CD164L2: variants seen among roughly 807,000 people sequenced by gnomAD.
CD164L2 encodes CD164 molecule like 2.
A neutral mutation model predicts 23.9 loss-of-function variants in CD164L2; 21 were observed. The ratio of observed to expected loss-of-function variants is 0.88; its 90% CI spans 0.62 to 1.27. The LOEUF (loss-of-function observed/expected upper bound fraction) is 1.27, where lower values mean the gene tolerates loss of function less well. CD164L2 is among the 50% of genes most tolerant of loss of function. The pLI is 0.00. For synonymous variants in CD164L2, 92 were observed against 90.2 expected (o/e 1.02, Z -0.11); for missense variants, 230 against 224.8 (o/e 1.02, Z -0.15).
rs1325075970 is a variant in CD164L2, at chr1:27,383,252, T to TG, written c.-14dup. 3.9e-6 allele frequency: 6 copies of TG among 1,520,204 alleles called. No individual in the cohort carries two copies. The highest frequency in any genetic ancestry group is 1.4e-5 in the African/African-American group (1 of 71,966). 94.2% of individuals were successfully genotyped at this position (1,520,204 alleles called of 1,614,324 possible). On this transcript the variant is annotated 5_prime_UTR_variant, in exon 1 of 6. Coordinates refer to ENST00000374030, the MANE Select transcript of CD164L2 (RefSeq NM_001330448.1). ...CCGGAGCCTCCATGGGCTCGCGGGG[T>TG]GGGGGTGGCCGGGGGCGGTGGCCGG...
At chr1:27,380,322 C>G in intron 4 of CD164L2, 127 bp from the exon 5 acceptor site, 1 of 838,652 alleles carries the variant, frequency 1.2e-6, no homozygotes, top group South Asian at 1.7e-5. Context: ...AAACCCTGGG[C>G]TCCGTTTAGT....
chr1:27,382,033 C>T (rs932451450), intron 3 of CD164L2: 12 of 1,456,230 alleles, frequency 8.2e-6, no homozygotes, highest in African/African-American at 1.4e-5. Context: ...ACTGATGCCA[C>T]CTCCTCCAGG....
intron 5 of CD164L2, chr1:27,379,770 G>T: frequency 7.0e-7 from 1 of 1,435,962 alleles, no homozygotes; most frequent in Non-Finnish European, 9.1e-7. Flanking sequence ...GGCACCTACT[G>T]GTTCTCTTCC....
intron 5 of CD164L2, 126 bp downstream of exon 5, chr1:27,379,925 A>G: frequency 6.6e-7 from 1 of 1,524,404 alleles, no homozygotes; most frequent in Non-Finnish European, 8.8e-7. Flanking sequence ...CACATGGAGC[A>G]CGCTGTCACC....
At chr1:27,379,569 C>CCTGCCT (rs1208099710) in intron 5 of CD164L2, 60 bp from the exon 6 acceptor site, 16 of 1,550,604 alleles carry the variant, frequency 1.0e-5, no homozygotes, top group Non-Finnish European at 1.4e-5. Context: ...CCAAGGACCC[C>CCTGCCT]CTGCCTCGAG....
rs896634626 is a variant in CD164L2, at chr1:27,383,280, T to G, written c.-41A>C. ...GGGTGGCCGGGGGCGGTGGCCGGGATCGGTGGACAGCTGCCGGGCGCGTCC... is the reference window on the plus strand; with the variant it reads ...GGGTGGCCGGGGGCGGTGGCCGGGAGCGGTGGACAGCTGCCGGGCGCGTCC... On this transcript the variant is annotated 5_prime_UTR_variant, in exon 1 of 6. Coordinates refer to ENST00000374030, the MANE Select transcript of CD164L2 (RefSeq NM_001330448.1). 12 of 1,302,202 alleles carry G rather than the reference T, an allele frequency of 9.2e-6. No individual in the cohort carries two copies. The Admixed American group carries it at 2.2e-4, about 24-fold the overall frequency. The allele number at this position is 1,302,202 out of a possible 1,614,324, so 80.7% of individuals were successfully genotyped here.
chr1:27,379,248 C>T lies in CD164L2; in HGVS notation c.*255G>A. On this transcript the variant is annotated 3_prime_UTR_variant, in exon 6 of 6. Transcript: ENST00000374030. ...TGGAAAGAGGCAGGCATACAACCCA[C>T]TGTCAGGCTGGGGGGCCCAGCAGGG... 1 of 584,334 alleles carries T rather than the reference C, an allele frequency of 1.7e-6. No individual in the cohort carries two copies. The highest frequency in any genetic ancestry group is 3.1e-6 in the Non-Finnish European group (1 of 325,692). The allele number at this position is 584,334 out of a possible 1,614,324, so 36.2% of individuals were successfully genotyped here.
At chr1:27,379,640 ACACACGG>A in intron 5 of CD164L2, 131 bp from the exon 6 acceptor site, 1 of 1,532,166 alleles carries the variant, frequency 6.5e-7, no homozygotes, top group Non-Finnish European at 8.8e-7. Flanking sequence ...GCCCCACAGC[ACACACGG>A]CACACAGAGG....
At chr1:27,379,709 C>T in intron 5 of CD164L2, 200 bp from the exon 6 acceptor site, 1 of 1,460,078 alleles carries the variant, frequency 6.8e-7, no homozygotes. Context: ...GACACAAGGC[C>T]CAGCTCCTGC....
At chr1:27,382,935 G>C (rs1437632844) in intron 1 of CD164L2, among the ~76,000 whole-genome samples, 1 of 151,928 alleles carries the variant, frequency 6.6e-6, no homozygotes, top group South Asian at 2.1e-4. Flanking sequence ...ACCTCCCCCA[G>C]ACCACCTGAA....
chr1:27,381,891 C>T, intron 3 of CD164L2, 67 bp from the exon 4 acceptor site: 2 of 1,591,062 alleles, frequency 1.3e-6, no homozygotes, highest in Non-Finnish European at 1.7e-6. Flanking sequence ...AGACCCCAGC[C>T]CCCACTCACC....
At position 27,382,371 on chromosome 1, in the gene CD164L2, G is replaced by A. The variant is rs115765119; in HGVS notation, c.285C>T (p.Val95=). Residue 95 remains valine (V), a synonymous_variant, in exon 3 of 6, where the codon GTC becomes GTT. Transcript: ENST00000374030. ...GGTTGTAGATGGAGCAACCTTCCTT[G>A]ACCACCTCAGATTGGGCCACACAGT... ...PGHCVAQSEV[V]KEGCSIYNRS... 56 of 1,612,830 alleles carry A rather than the reference G, an allele frequency of 3.5e-5. No homozygotes were observed. The African/African-American group carries it at 6.0e-4, about 17-fold the overall frequency.
chr1:27,380,620 A>C (rs148396939), intron 4 of CD164L2, among the ~76,000 whole-genome samples: 2 of 152,326 alleles, frequency 1.3e-5, no homozygotes, highest in Non-Finnish European at 2.9e-5. Context: ...TTCAGAGCCA[A>C]GATGCAGACG....
Position 27,382,262 on chromosome 1 carries a change from T to A in CD164L2, c.328+66A>T. 1.9e-6 allele frequency: 3 copies of A among 1,614,062 alleles called. No homozygotes were observed. In the Admixed American group the frequency reaches 5.0e-5, roughly 27 times the overall value. On this transcript the variant is annotated intron_variant, in intron 3 of 5. Coordinates refer to ENST00000374030, the MANE Select transcript of CD164L2 (RefSeq NM_001330448.1). ...CCACCGCCTGAGAGAGGCTGTTTCCTCCTGGGGGGCAGGCTATGGCTGGGG... is the reference window on the plus strand; with the variant it reads ...CCACCGCCTGAGAGAGGCTGTTTCCACCTGGGGGGCAGGCTATGGCTGGGG...
At chr1:27,379,757 G>A (rs974097777) in intron 5 of CD164L2, 1 of 1,439,588 alleles carries the variant, frequency 6.9e-7, no homozygotes, top group South Asian at 1.5e-5. Flanking sequence ...GCTTGCCTGG[G>A]CTGGCACCTA....
At chr1:27,383,006 A>T in intron 1 of CD164L2, 146 bp downstream of exon 1, 1 of 664,302 alleles carries the variant, frequency 1.5e-6, no homozygotes. Context: ...ACAGAGCTGG[A>T]GCCCCCTCTC....
Position 27,383,311 on chromosome 1 carries a change from A to G in CD164L2, c.-72T>C, listed in dbSNP as rs2016379473. ...GACAGCTGCCGGGCGCGTCCCTCCCAGACTGGGCTCGGCTGAGCGTGTGCG... is the reference window on the plus strand; with the variant it reads ...GACAGCTGCCGGGCGCGTCCCTCCCGGACTGGGCTCGGCTGAGCGTGTGCG... On this transcript the variant is annotated 5_prime_UTR_variant, in exon 1 of 6. Transcript: ENST00000374030. 1 of 1,013,750 alleles carries G rather than the reference A, an allele frequency of 9.9e-7. No homozygotes were observed. Among genetic ancestry groups the G allele is most frequent in the Admixed American group, 2.1e-5 (1 of 46,778 alleles). 62.8% of individuals were successfully genotyped at this position (1,013,750 alleles called of 1,614,324 possible).
chr1:27,382,094 A>C, intron 3 of CD164L2: 1 of 1,483,084 alleles, frequency 6.7e-7, no homozygotes, highest in Non-Finnish European at 9.0e-7. Flanking sequence ...GCTATGCCTT[A>C]AACTAGAAGA....
At chr1:27,379,920 G>T in intron 5 of CD164L2, 131 bp downstream of exon 5, 1 of 1,519,844 alleles carries the variant, frequency 6.6e-7, no homozygotes. Context: ...TGGCTCACAT[G>T]GAGCACGCTG....
Sources: gnomAD v4.1 joint callset for allele counts (sites outside exome capture counted in the v4.1 genomes callset) on GRCh38, gnomAD v4.1.1 for gene constraint, MANE v1.5 for transcripts, NCBI Gene and HGNC (gene_info 2026-07-23, HGNC 2026-07-21) for gene names.